ELOVL7: variants seen among roughly 807,000 people sequenced by gnomAD.
The protein encoded by ELOVL7 is very long chain fatty acid elongase 7.
A neutral mutation model predicts 35.7 loss-of-function variants in ELOVL7; 27 were observed. The observed-to-expected ratio is 0.76, with a 90% CI of 0.56 to 1.04. The LOEUF (loss-of-function observed/expected upper bound fraction) is 1.04, where lower values mean the gene tolerates loss of function less well. Among genes scored for constraint, ELOVL7 ranks in the 50% least tolerant of loss-of-function variants. The pLI, the probability that ELOVL7 is intolerant of heterozygous loss-of-function variation, is 0.00. For synonymous variants in ELOVL7, 113 were observed against 114.6 expected (o/e 0.99, Z 0.09); for missense variants, 327 against 340.8 (o/e 0.96, Z 0.32).
intron 1 of ELOVL7, among the ~76,000 whole-genome samples, chr5:60,841,128 C>T (rs1302365399): frequency 3.3e-5 from 5 of 150,264 alleles, no homozygotes; most frequent in African/African-American, 7.4e-5. Flanking sequence ...TGGGTTCAAG[C>T]GATTCTCCTG....
In ELOVL7 at chr5:60,769,916, T is replaced by C. The variant is rs112445168; in HGVS notation, c.255+1987A>G. Reference sequence around the variant, plus strand: ...AATACAAAAAATTAGCTAGACATAGTGGCGCATGCCTGTAGTCTCAGCTAC... The same window carrying C: ...AATACAAAAAATTAGCTAGACATAGCGGCGCATGCCTGTAGTCTCAGCTAC... On this transcript the variant is annotated intron_variant, in intron 4 of 8. Coordinates refer to ENST00000508821, the MANE Select transcript of ELOVL7 (RefSeq NM_024930.3). Among the ~76,000 whole-genome samples the C allele has an allele frequency of 7.4e-3, 1,128 of 152,214 alleles. 11 individuals carry two copies. The highest frequency in any genetic ancestry group is 0.027 in the South Asian group (130 of 4,806).
chr5:60,752,600 T>A lies in ELOVL7; in HGVS notation c.*2024A>T, dbSNP rs1482548468. On this transcript the variant is annotated 3_prime_UTR_variant, in exon 9 of 9. Coordinates refer to ENST00000508821, the MANE Select transcript of ELOVL7 (RefSeq NM_024930.3). ...CCTGAGACCTTTCCAGTGGAATAAATTAGAGCAGCAGTTTCATTTAGCTGT... is the reference window on the plus strand; with the variant it reads ...CCTGAGACCTTTCCAGTGGAATAAAATAGAGCAGCAGTTTCATTTAGCTGT... The A allele has an allele frequency of 6.6e-6, 1 of 152,628 alleles. No homozygotes were observed. Among genetic ancestry groups the A allele is most frequent in the Non-Finnish European group, 1.5e-5 (1 of 68,044 alleles). 9.5% of individuals were successfully genotyped at this position (152,628 alleles called of 1,614,324 possible).
chr5:60,795,208 G>C (rs768954224), intron 2 of ELOVL7, among the ~76,000 whole-genome samples: 1 of 152,096 alleles, frequency 6.6e-6, no homozygotes, highest in Non-Finnish European at 1.5e-5. Context: ...CCAGAGGGTG[G>C]TGAAAGCCTC....
intron 1 of ELOVL7, among the ~76,000 whole-genome samples, chr5:60,808,553 A>C (rs1257665918): frequency 6.6e-6 from 1 of 152,214 alleles, no homozygotes; most frequent in African/African-American, 2.4e-5. Flanking sequence ...AATTCTCTTA[A>C]ATTGGTCAAC....
At position 60,771,635 on chromosome 5, in the gene ELOVL7, T is replaced by C. The variant is rs369824407; in HGVS notation, c.255+268A>G. On this transcript the variant is annotated intron_variant, in intron 4 of 8. Transcript: ENST00000508821. ...TCAAAACTAAAATTTATGGATTAATTCAATAATCCATTAAGGCAATTATGT... is the reference window on the plus strand; with the variant it reads ...TCAAAACTAAAATTTATGGATTAATCCAATAATCCATTAAGGCAATTATGT... 6.6e-4 allele frequency among the ~76,000 whole-genome samples: 100 copies of C among 152,324 alleles called. 3 individuals are homozygous for C. The South Asian group carries it at 0.02, about 31-fold the overall frequency.
intron 1 of ELOVL7, among the ~76,000 whole-genome samples, chr5:60,838,760 C>T (rs1746979523): frequency 1.3e-5 from 2 of 152,064 alleles, no homozygotes; most frequent in South Asian, 4.1e-4. Flanking sequence ...GTGGTGGCTC[C>T]TGCCTGTAAT....
At position 60,752,120 on chromosome 5, in the gene ELOVL7, G is replaced by T. The variant is rs1295864104; in HGVS notation, c.*2504C>A. 1 of 152,102 alleles carries T rather than the reference G, an allele frequency of 6.6e-6. No individual in the cohort carries two copies. Among genetic ancestry groups the T allele is most frequent in the Non-Finnish European group, 1.5e-5 (1 of 68,014 alleles). 9.4% of individuals were successfully genotyped at this position (152,102 alleles called of 1,614,324 possible). A position where few individuals can be genotyped will look rare whatever the true frequency, so the allele number is the denominator to read the frequency against. On this transcript the variant is annotated 3_prime_UTR_variant, in exon 9 of 9. Transcript: ENST00000508821. ...CCAAACAAATTAAGTCCTGAAAAGT[G>T]GGATGAAATCCCAAAGGAACTCTAT... is the stretch of plus-strand genomic sequence containing the variant.
intron 1 of ELOVL7, among the ~76,000 whole-genome samples, chr5:60,818,894 G>C (rs1037626869): frequency 2.0e-5 from 3 of 151,462 alleles, no homozygotes; most frequent in South Asian, 2.1e-4. Flanking sequence ...TGTAATCCCA[G>C]CTACTCGGGA....
intron 1 of ELOVL7, among the ~76,000 whole-genome samples, chr5:60,842,510 G>T (rs1178561900): frequency 8.0e-6 from 1 of 124,632 alleles, no homozygotes; most frequent in African/African-American, 2.8e-5. Flanking sequence ...AAAAAAAAAA[G>T]CGGGGGCAGG....
chr5:60,776,504 T>C (rs1329425984), intron 3 of ELOVL7, among the ~76,000 whole-genome samples: 1 of 152,092 alleles, frequency 6.6e-6, no homozygotes, highest in Non-Finnish European at 1.5e-5. Context: ...ATAAAGAAAA[T>C]GTGGTACATA....
chr5:60,810,066 G>GA (rs1256998938), intron 1 of ELOVL7, among the ~76,000 whole-genome samples: 1 of 152,170 alleles, frequency 6.6e-6, no homozygotes, highest in Non-Finnish European at 1.5e-5. Flanking sequence ...CGCTCAGTGA[G>GA]AAAAAACAAA....
At chr5:60,802,632 A>G (rs1434846572) in intron 1 of ELOVL7, 1 of 152,200 alleles carries the variant, frequency 6.6e-6, no homozygotes, top group Non-Finnish European at 1.5e-5. Flanking sequence ...CTAACCTTTT[A>G]TATCTGGGAC....
intron 1 of ELOVL7, among the ~76,000 whole-genome samples, chr5:60,799,847 G>T (rs1042393826): frequency 6.6e-6 from 1 of 151,970 alleles, no homozygotes; most frequent in African/African-American, 2.4e-5. Context: ...AGACTAGCCT[G>T]ACCAACATGG....
intron 7 of ELOVL7, among the ~76,000 whole-genome samples, chr5:60,762,761 CA>C (rs1430969912): frequency 6.6e-6 from 1 of 152,118 alleles, no homozygotes; most frequent in African/African-American, 2.4e-5. Flanking sequence ...AGACGCTTAA[CA>C]AAGAAGATGA....
intron 1 of ELOVL7, among the ~76,000 whole-genome samples, chr5:60,820,397 T>C (rs1440706432): frequency 6.6e-6 from 1 of 152,250 alleles, no homozygotes; most frequent in Non-Finnish European, 1.5e-5. Context: ...TTAAAAAGTC[T>C]GTGGTGGTTT....
At chr5:60,805,050 C>A (rs1408711432) in intron 1 of ELOVL7, among the ~76,000 whole-genome samples, 1 of 152,180 alleles carries the variant, frequency 6.6e-6, no homozygotes, top group Non-Finnish European at 1.5e-5. Context: ...AGAGTCACAT[C>A]TGTATCCACA....
intron 1 of ELOVL7, among the ~76,000 whole-genome samples, chr5:60,842,496 T>TAAAAA (rs35647484): frequency 5.0e-5 from 7 of 140,028 alleles, no homozygotes; most frequent in African/African-American, 1.3e-4. Flanking sequence ...CTATTTTTCT[T>TAAAAA]AAAAAAAAAA....
chr5:60,805,720 G>A (rs925052892), intron 1 of ELOVL7, among the ~76,000 whole-genome samples: 2 of 152,178 alleles, frequency 1.3e-5, no homozygotes, highest in African/African-American at 4.8e-5. Context: ...TCTTGATTCA[G>A]CCAGTCAGGG....
intron 1 of ELOVL7, among the ~76,000 whole-genome samples, chr5:60,806,336 A>G (rs1744922756): frequency 6.6e-6 from 1 of 152,206 alleles, no homozygotes; most frequent in South Asian, 2.1e-4. Context: ...GAAGATGTTC[A>G]CTCAACTTGA....
Sources: allele counts gnomAD v4.1 joint callset (sites outside exome capture counted in the v4.1 genomes callset), GRCh38; gene constraint gnomAD v4.1.1; transcripts MANE v1.5; gene names NCBI Gene and HGNC (gene_info 2026-07-23, HGNC 2026-07-21).